IL27RA: variants seen among roughly 807,000 people sequenced by gnomAD.
IL27RA encodes interleukin-27 receptor subunit alpha.
In IL27RA, 61 loss-of-function variants were observed where a neutral mutation model predicts 80.8. That is an observed-to-expected ratio of 0.76 (90% CI 0.61 to 0.93). IL27RA has a LOEUF of 0.93. IL27RA is among the 40% of genes least tolerant of loss of function. The probability of loss-of-function intolerance (pLI) is 0.00; values close to 1 mark genes in which losing one functional copy is unlikely to be tolerated. For synonymous variants in IL27RA, 316 were observed against 332.5 expected (o/e 0.95, Z 0.54); for missense variants, 735 against 808.1 (o/e 0.91, Z 1.10).
At chr19:14,038,262 C>T (rs1490449657) in intron 2 of IL27RA, among the ~76,000 whole-genome samples, 1 of 152,006 alleles carries the variant, frequency 6.6e-6, no homozygotes, top group African/African-American at 2.4e-5. Context: ...CCCACCCCAG[C>T]CTCTCAAGTA....
rs555484073 is a variant in IL27RA, at chr19:14,042,866, C to A, written c.768+77C>A. ...AATAACAATGACATAAGGCCGGATG[C>A]AGTGGCTCACGCTTGTAATCCCAAC... On this transcript the variant is annotated intron_variant, in intron 6 of 13. Transcript: ENST00000263379. 76 of 1,285,748 alleles carry A rather than the reference C, an allele frequency of 5.9e-5. 1 individual carries two copies. In the South Asian group the frequency reaches 8.6e-4, roughly 15 times the overall value. 79.6% of individuals were successfully genotyped at this position (1,285,748 alleles called of 1,614,324 possible). A position where few individuals can be genotyped will look rare whatever the true frequency, so the allele number is the denominator to read the frequency against.
intron 8 of IL27RA, among the ~76,000 whole-genome samples, chr19:14,048,106 C>T (rs1478250818): frequency 1.3e-5 from 2 of 151,672 alleles, no homozygotes; most frequent in Admixed American, 1.3e-4. Flanking sequence ...TACAGGCATG[C>T]GCCACCAAGC....
At chr19:14,041,730 C>A (rs1439358367) in intron 4 of IL27RA, among the ~76,000 whole-genome samples, 2 of 152,156 alleles carry the variant, frequency 1.3e-5, no homozygotes, top group Non-Finnish European at 2.9e-5. Context: ...TCTGGAAACC[C>A]CCTTGGTCCT....
chr19:14,044,934 G>T (rs1976041992), intron 6 of IL27RA, among the ~76,000 whole-genome samples: 1 of 151,426 alleles, frequency 6.6e-6, no homozygotes, highest in Non-Finnish European at 1.5e-5. Flanking sequence ...GACCAGCCTG[G>T]CCAAGATGGT....
intron 8 of IL27RA, 86 bp from the exon 9 acceptor site, chr19:14,048,895 T>A: frequency 8.5e-7 from 1 of 1,177,900 alleles, no homozygotes; most frequent in Non-Finnish European, 1.3e-6. Context: ...CAGGGTGTCC[T>A]TCTGGGGACC....
At chr19:14,034,898 A>G (rs1295737561) in intron 2 of IL27RA, among the ~76,000 whole-genome samples, 10 of 151,642 alleles carry the variant, frequency 6.6e-5, no homozygotes, top group African/African-American at 2.4e-4. Flanking sequence ...GCTTGCAATG[A>G]GCCGAGATCG....
intron 4 of IL27RA, among the ~76,000 whole-genome samples, chr19:14,040,572 G>C (rs1229776710): frequency 2.0e-5 from 3 of 151,894 alleles, no homozygotes; most frequent in Non-Finnish European, 4.4e-5. Context: ...TGTAATCCCA[G>C]CACTGTGGGA....
Position 14,046,188 on chromosome 19 carries a change from T to G in IL27RA, c.803T>G (p.Val268Gly). The change falls in exon 7 of 14, where the codon GTC becomes GGC. Residue 268 changes from valine (V) to glycine (G), a missense_variant. By Grantham distance (109) the Val-to-Gly change is moderately radical. Transcript: ENST00000263379. ...PGPCVQVSYK[V>G]WFWVGGRELS... The stretch of plus-strand genomic sequence containing the variant: ...CCCTGTGTGCAGGTGAGCTACAAAG[T>G]CTGGTTCTGGGTTGGAGGTCGTGAG... 6.2e-7 allele frequency: 1 copy of G among 1,614,182 alleles called. No individual in the cohort carries two copies. The highest frequency in any genetic ancestry group is 1.6e-4 in the Middle Eastern group (1 of 6,062).
At chr19:14,047,210 ATTTT>A (rs564818958) in intron 8 of IL27RA, among the ~76,000 whole-genome samples, 1 of 130,674 alleles carries the variant, frequency 7.7e-6, no homozygotes. Flanking sequence ...CAATCGGTTA[ATTTT>A]TTTTTTTTTT....
rs1568504922 is a variant in IL27RA, at chr19:14,052,252, G to C, written c.1873G>C (p.Gly625Arg). 1 of 1,546,846 alleles carries C rather than the reference G, an allele frequency of 6.5e-7. No homozygotes were observed. Among genetic ancestry groups the C allele is most frequent in the Middle Eastern group, 1.8e-4 (1 of 5,586 alleles). The change falls in exon 14 of 14, where the codon GGC becomes CGC. Residue 625 changes from glycine to arginine, a missense_variant. By Grantham distance (125) the Gly-to-Arg change is moderately radical. Transcript: ENST00000263379. ...CTTCCTGCCCACACCTGAGGAGCTG[G>C]GCCTTCTGGGGCCCCCCAGGCCACA... is the stretch of plus-strand genomic sequence containing the variant. ...KHFLPTPEEL[G>R]LLGPPRPQVL...
intron 10 of IL27RA, among the ~76,000 whole-genome samples, chr19:14,050,097 C>T (rs1441861214): frequency 6.6e-6 from 1 of 151,842 alleles, no homozygotes; most frequent in East Asian, 2.0e-4. Context: ...GGCTGAGGCA[C>T]TAGAATTGCT....
At position 14,032,449 on chromosome 19, in the gene IL27RA, A is replaced by C; in HGVS notation, c.164A>C (p.Glu55Ala). The change falls in exon 2 of 14, where the codon GAG becomes GCG. Residue 55 changes from glutamate to alanine, a missense_variant. Transcript: ENST00000263379. The part of the protein sequence containing the change: ...GPLGDLNCSW[E>A]PLGDLGAPSE... ...TTGGGCGACTTGAACTGCTCGTGGG[A>C]GCCTCTTGGGGACCTGGGAGCCCCC... 1 of 1,613,472 alleles carries C rather than the reference A, an allele frequency of 6.2e-7. No individual in the cohort carries two copies. Among genetic ancestry groups the C allele is most frequent in the Non-Finnish European group, 8.5e-7 (1 of 1,179,852 alleles).
At chr19:14,049,361 C>T in intron 10 of IL27RA, 47 bp downstream of exon 10, 1 of 1,583,360 alleles carries the variant, frequency 6.3e-7, no homozygotes, top group African/African-American at 1.3e-5. Context: ...CCCACAAGAC[C>T]CACCCATCAG....
chr19:14,043,368 G>A (rs763350455), intron 6 of IL27RA, among the ~76,000 whole-genome samples: 38 of 152,036 alleles, frequency 2.5e-4, no homozygotes, highest in Non-Finnish European at 4.7e-4. Context: ...ACCTGACAGC[G>A]AGACTGGAGC....
rs1321976079 is a variant in IL27RA at position 14,051,705 on chromosome 19, G to T, written c.1622+5G>T. 7 of 1,594,666 alleles carry T rather than the reference G, an allele frequency of 4.4e-6. No homozygotes were observed. Among genetic ancestry groups the T allele is most frequent in the Non-Finnish European group, 6.0e-6 (7 of 1,167,848 alleles). ...GAGCCTGGCCACCTCTGGAAGGTGA[G>T]GCTGTCGGATACATGCATCTCTACC... On this transcript the variant is annotated splice_donor_5th_base_variant and intron_variant, in intron 12 of 13. Transcript: ENST00000263379.
chr19:14,048,319 C>T (rs1160243866), intron 8 of IL27RA, among the ~76,000 whole-genome samples: 1 of 151,982 alleles, frequency 6.6e-6, no homozygotes, highest in African/African-American at 2.4e-5. Flanking sequence ...CTTGGAAGAA[C>T]TGTGAAGATG....
chr19:14,044,236 C>A (rs569463500), intron 6 of IL27RA, among the ~76,000 whole-genome samples: 2 of 151,720 alleles, frequency 1.3e-5, no homozygotes, highest in African/African-American at 4.8e-5. Flanking sequence ...AATCCAGTAT[C>A]TTTTATTTAT....
rs7252708 is a variant in IL27RA at position 14,032,245 on chromosome 19, G to A, written c.101-141G>A. ...GGGGTTTGCACGGAGCCCGGGCAGG[G>A]GTGCCTAGCGCCTCCCTTCCTGCTG... On this transcript the variant is annotated intron_variant, in intron 1 of 13. Transcript: ENST00000263379. 4.2e-3 allele frequency: 3,105 copies of A among 741,716 alleles called. 65 individuals carry two copies. In the African/African-American group the frequency reaches 0.048, roughly 11 times the overall value. The allele number at this position is 741,716 out of a possible 1,614,324, so 45.9% of individuals were successfully genotyped here.
At chr19:14,036,883 T>G (rs8109322) in intron 2 of IL27RA, among the ~76,000 whole-genome samples, 51,615 of 151,488 alleles carry the variant, frequency 0.34, 11,660 homozygotes, top group African/African-American at 0.65. Context: ...TCGCTCAGGC[T>G]GGAGTGCAAT....
Sources: gnomAD v4.1 joint callset for allele counts (sites outside exome capture counted in the v4.1 genomes callset) on GRCh38, gnomAD v4.1.1 for gene constraint, MANE v1.5 for transcripts, NCBI Gene and HGNC (gene_info 2026-07-23, HGNC 2026-07-21) for gene names.